Variants in OR10J1 observed in about 807,000 individuals in gnomAD.
OR10J1 encodes the protein olfactory receptor family 10 subfamily J member 1.
For synonymous variants in OR10J1, 202 were observed against 143.8 expected, an observed-to-expected ratio of 1.40 and a Z score of -2.89; for missense variants, 474 against 376.6, an observed-to-expected ratio of 1.26 and a Z score of -2.14.
chr1:159,410,450 T>C, the OR10J1 span, among the ~76,000 whole-genome samples: 1 of 152,200 alleles, frequency 6.6e-6, no homozygotes, highest in Non-Finnish European at 1.5e-5. Flanking sequence ...TCAAGGAATT[T>C]ATCCATTTCT....
At chr1:159,404,972 G>A in the OR10J1 span, among the ~76,000 whole-genome samples, 44 of 152,024 alleles carry the variant, frequency 2.9e-4, no homozygotes, top group Non-Finnish European at 4.1e-4. Flanking sequence ...GTAATTCCCC[G>A]TTTTTATACC....
chr1:159,407,021 C>A, the OR10J1 span, among the ~76,000 whole-genome samples: 2 of 151,990 alleles, frequency 1.3e-5, no homozygotes, highest in Non-Finnish European at 2.9e-5. Context: ...TCTTTTTTTC[C>A]AGTTGTTACC....
the OR10J1 span, among the ~76,000 whole-genome samples, chr1:159,408,382 G>A: frequency 2.2e-4 from 32 of 147,420 alleles, no homozygotes; most frequent in African/African-American, 7.0e-4. Flanking sequence ...ACCAAACACC[G>A]CATATTCTCA....
the OR10J1 span, chr1:159,406,039 T>C: frequency 1.6e-5 from 7 of 426,192 alleles, no homozygotes; most frequent in South Asian, 1.2e-4. Context: ...AAGCAGTTGT[T>C]GATGCCAAAA....
chr1:159,421,466 T>C, the OR10J1 span, among the ~76,000 whole-genome samples: 28 of 152,236 alleles, frequency 1.8e-4, no homozygotes, highest in African/African-American at 6.8e-4. Context: ...ATTAATTTCA[T>C]GTTTCCTGTG....
chr1:159,406,342 A>G, the OR10J1 span: 1 of 467,824 alleles, frequency 2.1e-6, no homozygotes, highest in Non-Finnish European at 4.3e-6. Flanking sequence ...GAGCTCAGTC[A>G]CAGCAGTGGA....
chr1:159,415,508 C>T, the OR10J1 span, among the ~76,000 whole-genome samples: 14,146 of 152,016 alleles, frequency 0.093, 2,175 homozygotes, highest in African/African-American at 0.32. Flanking sequence ...TCAGGTGATG[C>T]CTCTAGCTTT....
At chr1:159,406,146 T>C in the OR10J1 span, 4 of 482,990 alleles carry the variant, frequency 8.3e-6, no homozygotes, top group Non-Finnish European at 1.3e-5. Flanking sequence ...GGCCACCATG[T>C]AGCAGGTCTC....
the OR10J1 span, among the ~76,000 whole-genome samples, chr1:159,422,877 G>A: frequency 2.4e-4 from 36 of 152,242 alleles, no homozygotes; most frequent in African/African-American, 8.4e-4. Flanking sequence ...ACCTCTTCAG[G>A]CTGCCAGCAG....
the OR10J1 span, among the ~76,000 whole-genome samples, chr1:159,402,419 TA>T: frequency 6.6e-6 from 1 of 152,008 alleles, no homozygotes; most frequent in Non-Finnish European, 1.5e-5. Flanking sequence ...ACTTGCAGGA[TA>T]AAAAATGAAC....
upstream of OR10J1, among the ~76,000 whole-genome samples, chr1:159,434,481 A>G (rs1262232075): frequency 6.6e-6 from 1 of 152,150 alleles, no homozygotes; most frequent in African/African-American, 2.4e-5. Context: ...GCACAACCCC[A>G]AAGAGGAAAA....
chr1:159,412,568 G>T, the OR10J1 span, among the ~76,000 whole-genome samples: 1 of 148,048 alleles, frequency 6.8e-6, no homozygotes, highest in African/African-American at 2.5e-5. Flanking sequence ...ACAAACCTGA[G>T]AAAAACAAGC....
At chr1:159,401,753 G>T in the OR10J1 span, among the ~76,000 whole-genome samples, 3 of 151,852 alleles carry the variant, frequency 2.0e-5, no homozygotes, top group South Asian at 2.1e-4. Flanking sequence ...TACAAGGCCA[G>T]CATTATCCTG....
At chr1:159,429,325 A>G in the OR10J1 span, among the ~76,000 whole-genome samples, 2 of 152,222 alleles carry the variant, frequency 1.3e-5, no homozygotes, top group Non-Finnish European at 2.9e-5. Context: ...TGAATGAGTC[A>G]TGGTTCCCAC....
the OR10J1 span, among the ~76,000 whole-genome samples, chr1:159,404,392 T>G: frequency 6.6e-6 from 1 of 152,076 alleles, no homozygotes; most frequent in Non-Finnish European, 1.5e-5. Flanking sequence ...TCCAGTATCC[T>G]TTTTCACACC....
At chr1:159,399,226 CTT>C in the OR10J1 span, among the ~76,000 whole-genome samples, 1 of 151,824 alleles carries the variant, frequency 6.6e-6, no homozygotes, top group Non-Finnish European at 1.5e-5. Context: ...AAAATGAAGA[CTT>C]TTCCAGACAA....
the OR10J1 span, among the ~76,000 whole-genome samples, chr1:159,412,658 C>T: frequency 1.3e-5 from 2 of 151,734 alleles, no homozygotes; most frequent in Non-Finnish European, 1.5e-5. Context: ...AACTGGATCC[C>T]TTCCTTACAC....
the OR10J1 span, among the ~76,000 whole-genome samples, chr1:159,413,537 C>T: frequency 7.6e-4 from 116 of 152,106 alleles, no homozygotes; most frequent in African/African-American, 2.1e-3. Flanking sequence ...ATGTCCTTTG[C>T]AGGGACATGG....
chr1:159,417,343 G>A, the OR10J1 span, among the ~76,000 whole-genome samples: 5 of 152,008 alleles, frequency 3.3e-5, no homozygotes, highest in South Asian at 2.1e-4. Flanking sequence ...GATATGGTTT[G>A]ACTCTGACCA....
Sources: gnomAD v4.1 joint callset for allele counts (sites outside exome capture counted in the v4.1 genomes callset) on GRCh38, gnomAD v4.1.1 for gene constraint, MANE v1.5 for transcripts, NCBI Gene and HGNC (gene_info 2026-07-23, HGNC 2026-07-21) for gene names.